DLG2: variants seen among roughly 807,000 people sequenced by gnomAD.
DLG2 encodes the protein discs large MAGUK scaffold protein 2.
DLG2 carries 45 observed loss-of-function variants against 132.5 expected under a neutral mutation model. The observed-to-expected ratio is 0.34, with a 90% CI of 0.27 to 0.44. The LOEUF (loss-of-function observed/expected upper bound fraction) is 0.44. Among genes scored for constraint, DLG2 ranks in the 20% least tolerant of loss-of-function variants. The pLI is 1.00. For missense variants in DLG2, 1,045 were observed against 1,196.9 expected, an observed-to-expected ratio of 0.87 and a Z score of 1.87; for synonymous variants, 424 against 419.6, an observed-to-expected ratio of 1.01 and a Z score of -0.13.
chr11:85,430,677 A>T (rs2091114829), intron 3 of DLG2, among the ~76,000 whole-genome samples: 1 of 152,126 alleles, frequency 6.6e-6, no homozygotes, highest in South Asian at 2.1e-4. Flanking sequence ...GTTTGACTGC[A>T]AACAGGACAG....
intron 5 of DLG2, among the ~76,000 whole-genome samples, chr11:85,132,185 A>G (rs1406928107): frequency 6.6e-6 from 1 of 152,188 alleles, no homozygotes. Context: ...CAATAATGCA[A>G]ATATTTGTGT....
rs149990201 is a variant in DLG2 at position 85,009,320 on chromosome 11, T to C, written c.357+102341A>G. 7.2e-5 allele frequency among the ~76,000 whole-genome samples: 11 copies of C among 152,202 alleles called. No homozygotes were observed. The East Asian group carries it at 2.1e-3, about 29-fold the overall frequency. ...ATACCAAATAAAAGTTCCAGTGAAATATCAAATCAAGAGCTATAAGAAATA... is the reference window on the plus strand; with the variant it reads ...ATACCAAATAAAAGTTCCAGTGAAACATCAAATCAAGAGCTATAAGAAATA... On this transcript the variant is annotated intron_variant, in intron 6 of 27. Coordinates refer to ENST00000376104, the MANE Select transcript of DLG2 (RefSeq NM_001142699.3).
rs118078885 is a variant in DLG2 at position 84,920,561 on chromosome 11, G to A, written c.357+191100C>T. ...TTGTTTATAGTCTGTGTCTTTTTCC[G>A]ACTGGAAGCTTCTTAAAAGCAAGCA... On this transcript the variant is annotated intron_variant, in intron 6 of 27. Transcript: ENST00000376104. Among the ~76,000 whole-genome samples, 433 of 152,122 alleles carry A rather than the reference G, an allele frequency of 2.8e-3. 6 individuals carry two copies. Among genetic ancestry groups the A allele is most frequent in the Admixed American group, 0.015 (230 of 15,262 alleles).
intron 18 of DLG2, among the ~76,000 whole-genome samples, chr11:83,637,285 G>C (rs2065101852): frequency 6.6e-6 from 1 of 152,092 alleles, no homozygotes; most frequent in African/African-American, 2.4e-5. Flanking sequence ...ACATTTTTCA[G>C]TCAAATTCAT....
chr11:84,289,729 G>A lies in DLG2; in HGVS notation c.520-38438C>T, dbSNP rs148853047. On this transcript the variant is annotated intron_variant, in intron 7 of 27. Coordinates refer to ENST00000376104, the MANE Select transcript of DLG2 (RefSeq NM_001142699.3). ...CAGGCATGACTGTCTCACTCTGTTC[G>A]TAAACAAGGCAGAAGTGGGAGAAAT... 3.3e-4 allele frequency among the ~76,000 whole-genome samples: 50 copies of A among 152,214 alleles called. No individual in the cohort carries two copies. In the East Asian group the frequency reaches 7.3e-3, roughly 22 times the overall value.
At chr11:83,880,344 A>G (rs926771511) in intron 15 of DLG2, among the ~76,000 whole-genome samples, 5 of 152,354 alleles carry the variant, frequency 3.3e-5, no homozygotes, top group Non-Finnish European at 7.3e-5. Context: ...ATATTAATAA[A>G]TGCCTAAACT....
chr11:85,080,479 G>GA (rs2067095941), intron 6 of DLG2, among the ~76,000 whole-genome samples: 1 of 152,016 alleles, frequency 6.6e-6, no homozygotes, highest in East Asian at 1.9e-4. Flanking sequence ...TTAGACAGAG[G>GA]AAAAATTATT....
intron 6 of DLG2, among the ~76,000 whole-genome samples, chr11:84,788,424 G>A (rs532758086): frequency 2.6e-5 from 4 of 152,112 alleles, no homozygotes; most frequent in South Asian, 2.1e-4. Context: ...CTGTCACTGC[G>A]ACCTAATAAT....
chr11:84,935,260 G>C (rs2048607723), intron 6 of DLG2, among the ~76,000 whole-genome samples: 1 of 151,984 alleles, frequency 6.6e-6, no homozygotes, highest in Non-Finnish European at 1.5e-5. Flanking sequence ...ATATATTCTT[G>C]ACCCCTCTAA....
chr11:84,369,521 G>A (rs1295233249), intron 7 of DLG2, among the ~76,000 whole-genome samples: 1 of 152,078 alleles, frequency 6.6e-6, no homozygotes, highest in African/African-American at 2.4e-5. Context: ...GTCATACAAA[G>A]CTTTTCTTGG....
chr11:83,487,554 T>A (rs1243356068), intron 21 of DLG2, among the ~76,000 whole-genome samples: 1 of 152,066 alleles, frequency 6.6e-6, no homozygotes, highest in African/African-American at 2.4e-5. Flanking sequence ...AATATCACTG[T>A]TTTTAAGAGC....
At chr11:85,305,625 G>A (rs900419066) in intron 3 of DLG2, among the ~76,000 whole-genome samples, 8 of 152,016 alleles carry the variant, frequency 5.3e-5, no homozygotes, top group African/African-American at 1.9e-4. Flanking sequence ...CCATTCTCCT[G>A]CCTCAGCCTC....
intron 8 of DLG2, among the ~76,000 whole-genome samples, chr11:84,222,919 T>C (rs566339026): frequency 2.6e-5 from 4 of 152,320 alleles, no homozygotes; most frequent in East Asian, 1.9e-4. Flanking sequence ...ATAATGAAGA[T>C]GTTAATGAGT....
chr11:85,432,151 C>CA (rs1270404769), intron 3 of DLG2, among the ~76,000 whole-genome samples: 4 of 152,084 alleles, frequency 2.6e-5, no homozygotes, highest in Non-Finnish European at 4.4e-5. Flanking sequence ...AAAAGTCCCC[C>CA]AAAAAATCTC....
chr11:84,834,693 A>G (rs530153650), intron 6 of DLG2, among the ~76,000 whole-genome samples: 30 of 151,628 alleles, frequency 2.0e-4, no homozygotes, highest in Non-Finnish European at 3.7e-4. Flanking sequence ...TTTTGGAGGA[A>G]TAAGTCATTA....
intron 3 of DLG2, among the ~76,000 whole-genome samples, chr11:85,516,140 T>A (rs2094164242): frequency 6.6e-6 from 1 of 152,006 alleles, no homozygotes; most frequent in African/African-American, 2.4e-5. Flanking sequence ...AAATCAATTC[T>A]AAGAAGAACT....
At chr11:84,222,266 A>C (rs1468631287) in intron 8 of DLG2, among the ~76,000 whole-genome samples, 1 of 152,166 alleles carries the variant, frequency 6.6e-6, no homozygotes, top group Non-Finnish European at 1.5e-5. Context: ...TCCTGTCCTC[A>C]GGTGATCCAC....
At chr11:84,804,488 C>T (rs2075776433) in intron 6 of DLG2, among the ~76,000 whole-genome samples, 1 of 152,190 alleles carries the variant, frequency 6.6e-6, no homozygotes, top group African/African-American at 2.4e-5. Flanking sequence ...CATGAGAATA[C>T]TCTAAAAGTT....
At chr11:83,785,762 C>T (rs369592121) in intron 18 of DLG2, among the ~76,000 whole-genome samples, 1 of 152,196 alleles carries the variant, frequency 6.6e-6, no homozygotes, top group East Asian at 1.9e-4. Flanking sequence ...TCGATGCTAA[C>T]AAATCATCAC....
Sources: gnomAD v4.1 joint callset for allele counts (sites outside exome capture counted in the v4.1 genomes callset) on GRCh38, gnomAD v4.1.1 for gene constraint, MANE v1.5 for transcripts, NCBI Gene and HGNC (gene_info 2026-07-23, HGNC 2026-07-21) for gene names.